Variants in DNAJA3 observed in about 807,000 individuals in gnomAD.
The protein encoded by DNAJA3 is dnaJ homolog subfamily A member 3, mitochondrial.
In DNAJA3, 29 loss-of-function variants were observed where a neutral mutation model predicts 54.9. The ratio of observed to expected loss-of-function variants is 0.53; its 90% CI spans 0.39 to 0.72. DNAJA3 has a LOEUF of 0.72. Ranked by LOEUF, DNAJA3 falls within the 30% of genes least tolerant of loss-of-function variation. The pLI, the probability that DNAJA3 is intolerant of heterozygous loss-of-function variation, is 0.00. For missense variants in DNAJA3, 708 were observed against 639.4 expected (o/e 1.11, Z -1.16); for synonymous variants, 302 against 251.4 (o/e 1.20, Z -1.90).
At chr16:4,434,814 G>C (rs2056752852) in intron 2 of DNAJA3, among the ~76,000 whole-genome samples, 1 of 150,330 alleles carries the variant, frequency 6.7e-6, no homozygotes, top group Non-Finnish European at 1.5e-5. Context: ...AGATATGCTA[G>C]TCTAAGTTTT....
rs763168457 is a variant in DNAJA3 at position 4,450,544 on chromosome 16, C to A, written c.1339+47C>A. The A allele has an allele frequency of 7.0e-6, 10 of 1,421,758 alleles. No homozygotes were observed. In the Admixed American group the frequency reaches 1.8e-4, roughly 26 times the overall value. The allele number at this position is 1,421,758 out of a possible 1,614,324, so 88.1% of individuals were successfully genotyped here. ...TGGTGACACGTGGGGGCCTCAGAGC[C>A]CCCCAGGGTATGGACAATTCAGGGC... On this transcript the variant is annotated intron_variant, in intron 10 of 11. Transcript: ENST00000262375.
chr16:4,441,630 C>G (rs1274091029), intron 4 of DNAJA3, 55 bp downstream of exon 4: 2 of 1,568,552 alleles, frequency 1.3e-6, no homozygotes, highest in Non-Finnish European at 1.7e-6. Flanking sequence ...ATGGGTCAAA[C>G]AAATTTTTTT....
In DNAJA3 at chr16:4,425,963, C is replaced by T. The variant is rs1006885759; in HGVS notation, c.82C>T (p.Arg28Trp). 6 of 1,578,298 alleles carry T rather than the reference C, an allele frequency of 3.8e-6. No homozygotes were observed. Among genetic ancestry groups the T allele is most frequent in the Middle Eastern group, 1.8e-4 (1 of 5,514 alleles). Residue 28 changes from arginine (R) to tryptophan (W), a missense_variant, in exon 1 of 12, where the codon CGG (arginine) becomes TGG (tryptophan). By Grantham distance (101) the Arg-to-Trp change is moderately radical. Coordinates refer to ENST00000262375, the MANE Select transcript of DNAJA3 (RefSeq NM_005147.6). ...RLPAISGRGA[R>W]PPREGVVGAW... ...GCCGGCTATATCGGGTAGAGGGGCC[C>T]GGCCGCCCAGGGAGGGCGTGGTGGG...
intron 2 of DNAJA3, among the ~76,000 whole-genome samples, chr16:4,436,068 T>C (rs2056768826): frequency 6.6e-6 from 1 of 152,272 alleles, no homozygotes; most frequent in South Asian, 2.1e-4. Context: ...TTTTCCCTGA[T>C]GACTAATGAT....
chr16:4,429,606 G>A (rs943870977), intron 1 of DNAJA3, among the ~76,000 whole-genome samples: 4 of 152,158 alleles, frequency 2.6e-5, no homozygotes, highest in Non-Finnish European at 4.4e-5. Context: ...AGGCCTATGC[G>A]GGCGGATCAC....
At chr16:4,445,925 T>C (rs12448728) in intron 7 of DNAJA3, among the ~76,000 whole-genome samples, 7,354 of 150,402 alleles carry the variant, frequency 0.049, 227 homozygotes, top group Admixed American at 0.1. Flanking sequence ...CCCTTTTTTT[T>C]CTTTTTTTTT....
chr16:4,441,428 C>T lies in DNAJA3; in HGVS notation c.483C>T (p.Gly161=). The T allele has an allele frequency of 1.2e-6, 2 of 1,614,138 alleles. No homozygotes were observed. Among genetic ancestry groups the T allele is most frequent in the Non-Finnish European group, 1.7e-6 (2 of 1,180,032 alleles). Residue 161 remains glycine (G), a synonymous_variant, in exon 4 of 12, where the codon GGC becomes GGT. Transcript: ENST00000262375. Reference sequence around the variant, plus strand: ...AGTACGATGCCTACGGCTCTGCAGGCTTCGATCCTGGGGCCAGCGGCTCCC... The same window carrying T: ...AGTACGATGCCTACGGCTCTGCAGGTTTCGATCCTGGGGCCAGCGGCTCCC... ...RKQYDAYGSA[G]FDPGASGSQH...
intron 2 of DNAJA3, 131 bp from the exon 3 acceptor site, chr16:4,437,271 G>A (rs753594155): frequency 5.0e-5 from 39 of 784,958 alleles, no homozygotes; most frequent in Non-Finnish European, 1.9e-5. Context: ...GCACCCAGCC[G>A]AGAGACAACT....
At chr16:4,454,144 G>T (rs1278734906) in intron 10 of DNAJA3, among the ~76,000 whole-genome samples, 3 of 152,192 alleles carry the variant, frequency 2.0e-5, no homozygotes, top group African/African-American at 4.8e-5. Flanking sequence ...CTGATGTGAG[G>T]GATGAGATGG....
chr16:4,445,344 G>C (rs1461848625), intron 7 of DNAJA3, among the ~76,000 whole-genome samples: 1 of 152,212 alleles, frequency 6.6e-6, no homozygotes, highest in East Asian at 1.9e-4. Flanking sequence ...GGTACAGACA[G>C]CAGGGATGGA....
Position 4,442,374 on chromosome 16 carries a change from C to G in DNAJA3, c.737C>G (p.Pro246Arg). ...CERCNGKGNE[P>R]GTKVQHCHYC... ...CGCTGCAACGGCAAGGGGAACGAGC[C>G]CGGCACCAAGGTGCAGCATTGCCAC... The change falls in exon 5 of 12, where the codon CCC becomes CGC. Residue 246 changes from proline (P) to arginine (R), a missense_variant. Physicochemically the swap from Pro to Arg is moderately radical, Grantham distance 103. Transcript: ENST00000262375. 1.2e-6 allele frequency: 2 copies of G among 1,609,608 alleles called. No homozygotes were observed. Among genetic ancestry groups the G allele is most frequent in the Non-Finnish European group, 1.7e-6 (2 of 1,177,838 alleles).
At chr16:4,442,577 T>TC in intron 5 of DNAJA3, 157 bp downstream of exon 5, 1 of 863,152 alleles carries the variant, frequency 1.2e-6, no homozygotes, top group Non-Finnish European at 1.7e-6. Context: ...GAGACGAGCC[T>TC]GTGCTCCTCT....
intron 10 of DNAJA3, among the ~76,000 whole-genome samples, chr16:4,450,700 G>C (rs1044235136): frequency 6.6e-6 from 1 of 152,214 alleles, no homozygotes; most frequent in Non-Finnish European, 1.5e-5. Context: ...TCCTCTCTCT[G>C]TGTGTGTTTC....
At chr16:4,445,661 C>T (rs2056893487) in intron 7 of DNAJA3, among the ~76,000 whole-genome samples, 1 of 152,180 alleles carries the variant, frequency 6.6e-6, no homozygotes, top group South Asian at 2.1e-4. Context: ...AGGTGATCCT[C>T]CCACCTCAGC....
Position 4,448,741 on chromosome 16 carries a change from T to A in DNAJA3, c.1134T>A (p.Pro378=). 2.5e-6 allele frequency: 4 copies of A among 1,613,718 alleles called. No individual in the cohort carries two copies. The highest frequency in any genetic ancestry group is 3.4e-6 in the Non-Finnish European group (4 of 1,179,718). The change falls in exon 9 of 12, where the codon CCT becomes CCA. Residue 378 remains proline (P), a synonymous_variant. Transcript: ENST00000262375. ...ATTTTCTTTCTTTATAGATCCCCCC[T>A]GGGACTCAGACAGACCAGAAGATTC... is the stretch of plus-strand genomic sequence containing the variant. The part of the protein sequence containing the change: ...LYETINVTIP[P]GTQTDQKIRM...
intron 7 of DNAJA3, 34 bp downstream of exon 7, chr16:4,444,762 C>G (rs1437832419): frequency 6.3e-7 from 1 of 1,593,932 alleles, no homozygotes; most frequent in Admixed American, 1.7e-5. Context: ...TTCTGTTGGG[C>G]CTTTCCTCTC....
At chr16:4,434,609 A>G (rs1272745962) in intron 2 of DNAJA3, 92 bp downstream of exon 2, 3 of 1,459,298 alleles carry the variant, frequency 2.1e-6, no homozygotes, top group South Asian at 1.3e-5. Context: ...ATGTGCCCAT[A>G]TGAATAGGTC....
At chr16:4,445,133 T>C (rs551994171) in intron 7 of DNAJA3, among the ~76,000 whole-genome samples, 4 of 152,292 alleles carry the variant, frequency 2.6e-5, no homozygotes, top group South Asian at 2.1e-4. Context: ...TGCCCTCCTA[T>C]GTGTACACCT....
At chr16:4,432,794 C>G (rs1171117375) in intron 1 of DNAJA3, among the ~76,000 whole-genome samples, 2 of 151,776 alleles carry the variant, frequency 1.3e-5, no homozygotes, top group African/African-American at 2.4e-5. Context: ...CAAAATCGCA[C>G]CACTGCACGC....
Sources: gnomAD v4.1 joint callset for allele counts (sites outside exome capture counted in the v4.1 genomes callset) on GRCh38, gnomAD v4.1.1 for gene constraint, MANE v1.5 for transcripts, NCBI Gene and HGNC (gene_info 2026-07-23, HGNC 2026-07-21) for gene names.